DLGAP1: variants seen among roughly 807,000 people sequenced by gnomAD.
DLGAP1 encodes the protein DLG associated protein 1, also known as disks large-associated protein 1.
A neutral mutation model predicts 90.8 loss-of-function variants in DLGAP1; 11 were observed. That is an observed-to-expected ratio of 0.12 (90% CI 0.08 to 0.20). The LOEUF is 0.20. DLGAP1 is among the 10% of genes least tolerant of loss of function. The pLI is 1.00. For synonymous variants in DLGAP1, 558 were observed against 540.7 expected (o/e 1.03, Z -0.44); for missense variants, 1,050 against 1,333.8 (o/e 0.79, Z 3.31).
At chr18:4,058,851 T>G (rs1222201982) in intron 2 of DLGAP1, among the ~76,000 whole-genome samples, 1 of 152,174 alleles carries the variant, frequency 6.6e-6, no homozygotes, top group Non-Finnish European at 1.5e-5. Context: ...CCTGTCTACT[T>G]AAAGAACATG....
chr18:4,255,995 C>T (rs1435607273), intron 1 of DLGAP1, among the ~76,000 whole-genome samples: 1 of 152,072 alleles, frequency 6.6e-6, no homozygotes, highest in African/African-American at 2.4e-5. Flanking sequence ...AGAACAAGGA[C>T]TGAAGGGAAG....
chr18:4,078,258 C>G (rs2075553460), intron 2 of DLGAP1, among the ~76,000 whole-genome samples: 1 of 152,096 alleles, frequency 6.6e-6, no homozygotes, highest in African/African-American at 2.4e-5. Context: ...ACTTAAGCAC[C>G]TACAATCAAT....
At chr18:3,903,461 T>G (rs564320373) in intron 3 of DLGAP1, among the ~76,000 whole-genome samples, 1 of 152,350 alleles carries the variant, frequency 6.6e-6, no homozygotes, top group South Asian at 2.1e-4. Flanking sequence ...GCATAATGTA[T>G]GGACACCCAT....
chr18:4,061,782 C>T (rs1176315956), intron 2 of DLGAP1, among the ~76,000 whole-genome samples: 2 of 152,054 alleles, frequency 1.3e-5, no homozygotes, highest in South Asian at 2.1e-4. Context: ...ATTATGTGTG[C>T]CACAGAGGTA....
intron 1 of DLGAP1, among the ~76,000 whole-genome samples, chr18:4,304,763 T>G (rs1307305006): frequency 1.3e-5 from 2 of 152,142 alleles, no homozygotes; most frequent in African/African-American, 4.8e-5. Flanking sequence ...AAACCTCATC[T>G]GTACTAAAAA....
At chr18:3,992,302 T>C (rs1376476607) in intron 3 of DLGAP1, among the ~76,000 whole-genome samples, 5 of 152,226 alleles carry the variant, frequency 3.3e-5, no homozygotes, top group Admixed American at 3.3e-4. Flanking sequence ...ACTTAGTTCA[T>C]AAAATGATTT....
chr18:4,270,702 A>G (rs1432977587), intron 1 of DLGAP1, among the ~76,000 whole-genome samples: 3 of 151,998 alleles, frequency 2.0e-5, no homozygotes, highest in African/African-American at 7.3e-5. Context: ...CAAGCATTCT[A>G]TGGCTATTAC....
chr18:3,952,946 C>A (rs975518003), intron 3 of DLGAP1, among the ~76,000 whole-genome samples: 12 of 152,186 alleles, frequency 7.9e-5, no homozygotes, highest in African/African-American at 2.9e-4. Context: ...GATTCATCTG[C>A]TTCTTTTCCT....
chr18:3,846,375 T>A (rs1308843837), intron 4 of DLGAP1, among the ~76,000 whole-genome samples: 2 of 152,212 alleles, frequency 1.3e-5, no homozygotes, highest in African/African-American at 4.8e-5. Flanking sequence ...AGGAAAATTA[T>A]AATTAAATGA....
chr18:3,746,506 C>A (rs2063276597), intron 5 of DLGAP1, among the ~76,000 whole-genome samples: 1 of 151,996 alleles, frequency 6.6e-6, no homozygotes, highest in Non-Finnish European at 1.5e-5. Context: ...GCCAAAGATC[C>A]TGTCAACAAT....
At chr18:4,095,224 A>AT (rs1041554187) in intron 2 of DLGAP1, among the ~76,000 whole-genome samples, 4 of 152,076 alleles carry the variant, frequency 2.6e-5, no homozygotes, top group East Asian at 1.9e-4. Flanking sequence ...TTTGAAAGAG[A>AT]TTTTTTTTCC....
intron 7 of DLGAP1, among the ~76,000 whole-genome samples, chr18:3,704,223 C>A (rs1457365487): frequency 2.0e-5 from 3 of 152,158 alleles, no homozygotes; most frequent in Non-Finnish European, 4.4e-5. Flanking sequence ...TGCCTAGAGA[C>A]CATGCTTCCT....
chr18:3,982,786 T>G (rs1393267253), intron 3 of DLGAP1, among the ~76,000 whole-genome samples: 1 of 152,206 alleles, frequency 6.6e-6, no homozygotes, highest in Non-Finnish European at 1.5e-5. Flanking sequence ...AGTCGCAGAC[T>G]TAGGTAATTA....
chr18:4,377,691 C>G (rs918447606), intron 1 of DLGAP1, among the ~76,000 whole-genome samples: 1 of 152,028 alleles, frequency 6.6e-6, no homozygotes, highest in Non-Finnish European at 1.5e-5. Context: ...AATATACACA[C>G]AGTCATGATT....
chr18:3,917,595 G>A (rs977105522), intron 3 of DLGAP1, among the ~76,000 whole-genome samples: 2 of 152,296 alleles, frequency 1.3e-5, no homozygotes, highest in East Asian at 3.9e-4. Flanking sequence ...AAGTCACTAG[G>A]CATGTACTGA....
At chr18:3,714,203 C>T (rs1044905237) in intron 7 of DLGAP1, among the ~76,000 whole-genome samples, 3 of 152,294 alleles carry the variant, frequency 2.0e-5, no homozygotes, top group African/African-American at 4.8e-5. Context: ...CCTATGAAGA[C>T]TTTCCATGGA....
chr18:4,131,261 A>G (rs1228166233), intron 2 of DLGAP1, among the ~76,000 whole-genome samples: 1 of 152,224 alleles, frequency 6.6e-6, no homozygotes, highest in Non-Finnish European at 1.5e-5. Context: ...ATTACTAAAC[A>G]TTAGAAGAAA....
At chr18:3,798,488 A>G (rs541092981) in intron 5 of DLGAP1, among the ~76,000 whole-genome samples, 3 of 152,308 alleles carry the variant, frequency 2.0e-5, no homozygotes, top group East Asian at 3.9e-4. Flanking sequence ...GGAAAAAAAC[A>G]CAGTCCAGGG....
intron 1 of DLGAP1, among the ~76,000 whole-genome samples, chr18:4,435,673 C>T (rs561046401): frequency 3.9e-5 from 6 of 152,266 alleles, no homozygotes; most frequent in African/African-American, 1.2e-4. Context: ...GCAATTGCTC[C>T]AGATGTTCTA....
Sources: gnomAD v4.1 joint callset for allele counts (sites outside exome capture counted in the v4.1 genomes callset) on GRCh38, gnomAD v4.1.1 for gene constraint, MANE v1.5 for transcripts, NCBI Gene and HGNC (gene_info 2026-07-23, HGNC 2026-07-21) for gene names.